Variants in DISC1 observed in about 807,000 individuals in gnomAD.
DISC1 encodes DISC1 scaffold protein, also known as disrupted in schizophrenia 1 protein.
Under a neutral mutation model 84.5 loss-of-function variants are expected in DISC1, and 57 were observed. The ratio of observed to expected loss-of-function variants is 0.67; its 90% CI spans 0.55 to 0.84. The LOEUF is 0.84. Among genes scored for constraint, DISC1 ranks in the 40% least tolerant of loss-of-function variants. The pLI is 0.00. For synonymous variants in DISC1, 411 were observed against 415.2 expected (o/e 0.99, Z 0.12); for missense variants, 1,000 against 1,057.8 (o/e 0.95, Z 0.76).
chr1:231,746,620 T>C (rs899037036), intron 3 of DISC1, among the ~76,000 whole-genome samples: 45 of 152,222 alleles, frequency 3.0e-4, no homozygotes, highest in African/African-American at 9.6e-4. Flanking sequence ...TTGCTGTTTA[T>C]TTTATTTTTT....
At position 231,958,686 on chromosome 1, in the gene DISC1, A is replaced by G. The variant is rs1337326607; in HGVS notation, c.1982-142A>G. The G allele has an allele frequency of 4.7e-6, 4 of 857,418 alleles. No individual in the cohort carries two copies. The African/African-American group carries it at 6.9e-5, about 15-fold the overall frequency. The allele number at this position is 857,418 out of a possible 1,614,324, so 53.1% of individuals were successfully genotyped here. The stretch of plus-strand genomic sequence containing the variant: ...TGACTTCAGGCAGCCACTCCAGTGG[A>G]TTTGAGTGTTTTCCAAACATAGAAT... On this transcript the variant is annotated intron_variant, in intron 9 of 12. Transcript: ENST00000439617.
chr1:231,752,954 TG>T (rs1195775171), intron 4 of DISC1, among the ~76,000 whole-genome samples: 2 of 152,354 alleles, frequency 1.3e-5, no homozygotes, highest in Non-Finnish European at 2.9e-5. Flanking sequence ...CAGAGCACAC[TG>T]GTGCAAGGAG....
At chr1:231,756,582 G>T (rs2075161827) in intron 4 of DISC1, among the ~76,000 whole-genome samples, 1 of 145,054 alleles carries the variant, frequency 6.9e-6, no homozygotes, top group African/African-American at 2.6e-5. Context: ...CACTTTATTG[G>T]GATTCAGTTG....
chr1:232,036,938 A>G lies in DISC1; in HGVS notation c.*107A>G. On this transcript the variant is annotated 3_prime_UTR_variant, in exon 13 of 13. Coordinates refer to ENST00000439617, the MANE Select transcript of DISC1 (RefSeq NM_018662.3). ...ATGCCTGAATCAATTACGGAGATAC[A>G]GAGCCTTGAGGTCTTTCAGTGGAAA... 1 of 1,272,914 alleles carries G rather than the reference A, an allele frequency of 7.9e-7. No homozygotes were observed. Among genetic ancestry groups the G allele is most frequent in the East Asian group, 2.7e-5 (1 of 37,068 alleles). 78.9% of individuals were successfully genotyped at this position (1,272,914 alleles called of 1,614,324 possible).
chr1:231,803,527 A>G lies in DISC1; in HGVS notation c.1792+3317A>G, dbSNP rs116656139. ...CTGGGGCTGAAAGATCTGCTTCCAA[A>G]CTCATGCATGTGTTGTTAACAGACG... On this transcript the variant is annotated intron_variant, in intron 8 of 12. Coordinates refer to ENST00000439617, the MANE Select transcript of DISC1 (RefSeq NM_018662.3). Among the ~76,000 whole-genome samples the G allele has an allele frequency of 9.4e-3, 1,430 of 151,780 alleles. 29 individuals are homozygous for G. Among genetic ancestry groups the G allele is most frequent in the African/African-American group, 0.029 (1,217 of 41,390 alleles).
chr1:231,728,649 G>T (rs2125157799), intron 3 of DISC1, among the ~76,000 whole-genome samples: 1 of 152,298 alleles, frequency 6.6e-6, no homozygotes, highest in Middle Eastern at 3.4e-3. Flanking sequence ...TTCTACCAAG[G>T]ACCTGAGGTC....
At chr1:231,777,082 C>A (rs1018607414) in intron 6 of DISC1, among the ~76,000 whole-genome samples, 16 of 152,050 alleles carry the variant, frequency 1.1e-4, no homozygotes, top group Admixed American at 3.3e-4. Context: ...TCTCTCTCCT[C>A]TGTCTTTGCC....
At chr1:231,944,185 C>G (rs1189680196) in intron 9 of DISC1, among the ~76,000 whole-genome samples, 3 of 152,174 alleles carry the variant, frequency 2.0e-5, no homozygotes, top group Non-Finnish European at 4.4e-5. Flanking sequence ...TTTCCCTCAC[C>G]ATGACTGTCT....
chr1:231,916,364 A>G (rs1411657114), intron 9 of DISC1, among the ~76,000 whole-genome samples: 1 of 152,172 alleles, frequency 6.6e-6, no homozygotes, highest in African/African-American at 2.4e-5. Context: ...AATATCCACA[A>G]TCTAAATTGT....
At chr1:231,629,745 A>G (rs2058553676) in intron 1 of DISC1, among the ~76,000 whole-genome samples, 1 of 152,236 alleles carries the variant, frequency 6.6e-6, no homozygotes, top group African/African-American at 2.4e-5. Context: ...CTCAAACATT[A>G]TGACATTAAT....
At chr1:231,713,828 G>GATAT (rs1461190692) in intron 3 of DISC1, among the ~76,000 whole-genome samples, 2 of 138,762 alleles carry the variant, frequency 1.4e-5, no homozygotes, top group Non-Finnish European at 3.1e-5. Context: ...ATATAGGAGA[G>GATAT]ATATATATAG....
chr1:232,024,051 A>ATGTG (rs200106931), intron 11 of DISC1, among the ~76,000 whole-genome samples: 1 of 129,018 alleles, frequency 7.8e-6, no homozygotes, highest in African/African-American at 2.6e-5. Flanking sequence ...ATATGTATAT[A>ATGTG]TGTGTATGTG....
At chr1:231,669,418 A>G (rs111538097) in intron 1 of DISC1, among the ~76,000 whole-genome samples, 3 of 152,350 alleles carry the variant, frequency 2.0e-5, no homozygotes, top group African/African-American at 7.2e-5. Context: ...AGAAAAAACT[A>G]TCAACACAGT....
At chr1:231,830,215 G>A (rs1309973318) in intron 9 of DISC1, among the ~76,000 whole-genome samples, 1 of 152,142 alleles carries the variant, frequency 6.6e-6, no homozygotes, top group Non-Finnish European at 1.5e-5. Flanking sequence ...AGCGGGATTA[G>A]GGCGGCATGG....
intron 3 of DISC1, among the ~76,000 whole-genome samples, chr1:231,726,018 G>T (rs1198144221): frequency 1.3e-5 from 2 of 152,132 alleles, no homozygotes; most frequent in Non-Finnish European, 1.5e-5. Context: ...CAGCCTTGCA[G>T]TCTCTTTGGA....
At chr1:231,730,432 T>G (rs1294822638) in intron 3 of DISC1, among the ~76,000 whole-genome samples, 1 of 152,234 alleles carries the variant, frequency 6.6e-6, no homozygotes, top group East Asian at 1.9e-4. Context: ...ATTTTTTATT[T>G]TTAAACTTTA....
chr1:231,839,054 A>C (rs1170433823), intron 9 of DISC1, among the ~76,000 whole-genome samples: 1 of 152,228 alleles, frequency 6.6e-6, no homozygotes, highest in Non-Finnish European at 1.5e-5. Flanking sequence ...AAGACAGCAG[A>C]GATAAGGACA....
Position 231,906,920 on chromosome 1 carries a change from G to A in DISC1, c.1982-51908G>A, listed in dbSNP as rs150585855. Among the ~76,000 whole-genome samples, 824 of 152,188 alleles carry A rather than the reference G, an allele frequency of 5.4e-3. 7 individuals are homozygous for A. Among genetic ancestry groups the A allele is most frequent in the African/African-American group, 0.018 (757 of 41,544 alleles). On this transcript the variant is annotated intron_variant, in intron 9 of 12. Coordinates refer to ENST00000439617, the MANE Select transcript of DISC1 (RefSeq NM_018662.3). ...ACATTACAAATTTTGTCTCGATGTG[G>A]TTTTTAAGCCTAAAGAATCTTTCTT...
intron 10 of DISC1, among the ~76,000 whole-genome samples, chr1:231,970,543 G>A (rs1038434423): frequency 1.3e-5 from 2 of 152,176 alleles, no homozygotes; most frequent in Non-Finnish European, 2.9e-5. Context: ...TACAAGGATG[G>A]AATCCATGGG....
Sources: gnomAD v4.1 joint callset for allele counts (sites outside exome capture counted in the v4.1 genomes callset) on GRCh38, gnomAD v4.1.1 for gene constraint, MANE v1.5 for transcripts, NCBI Gene and HGNC (gene_info 2026-07-23, HGNC 2026-07-21) for gene names.